NKAIN2: variants seen among roughly 807,000 people sequenced by gnomAD.
The protein encoded by NKAIN2 is sodium/potassium-transporting ATPase subunit beta-1-interacting protein 2.
NKAIN2 carries 14 observed loss-of-function variants against 32.6 expected under a neutral mutation model. The observed-to-expected ratio is 0.43, with a 90% CI of 0.28 to 0.67. The LOEUF is 0.67. NKAIN2 is among the 30% of genes least tolerant of loss of function. NKAIN2 has a pLI of 0.17. For synonymous variants in NKAIN2, 80 were observed against 87.2 expected (o/e 0.92, Z 0.46); for missense variants, 198 against 258.3 (o/e 0.77, Z 1.60).
At chr6:124,641,530 CTTTTTTTTTTTTTTTTTT>C (rs755033671) in intron 3 of NKAIN2, among the ~76,000 whole-genome samples, 55 of 19,532 alleles carry the variant, frequency 2.8e-3, no homozygotes, top group African/African-American at 5.4e-3. Context: ...AAAACACTAG[CTTTTTTTTTTTTTTTTTT>C]TTTTTTTTTT....
intron 1 of NKAIN2, among the ~76,000 whole-genome samples, chr6:124,024,525 T>G (rs1470994335): frequency 6.6e-6 from 1 of 152,144 alleles, no homozygotes; most frequent in African/African-American, 2.4e-5. Flanking sequence ...CACATAAGGA[T>G]ATACAGGAAA....
At chr6:124,151,933 A>G (rs1264653066) in intron 1 of NKAIN2, among the ~76,000 whole-genome samples, 1 of 151,946 alleles carries the variant, frequency 6.6e-6, no homozygotes, top group Non-Finnish European at 1.5e-5. Flanking sequence ...TTTTTCGTAC[A>G]CTATCTCTTG....
At chr6:124,172,930 A>G (rs1788966765) in intron 1 of NKAIN2, among the ~76,000 whole-genome samples, 1 of 152,158 alleles carries the variant, frequency 6.6e-6, no homozygotes, top group Non-Finnish European at 1.5e-5. Context: ...CCACATGAGC[A>G]AGATTTCTTC....
chr6:124,193,941 G>A (rs1233411752), intron 1 of NKAIN2, among the ~76,000 whole-genome samples: 1 of 152,132 alleles, frequency 6.6e-6, no homozygotes, highest in Non-Finnish European at 1.5e-5. Flanking sequence ...AATCTCCACA[G>A]CTGGTTGTGT....
intron 3 of NKAIN2, among the ~76,000 whole-genome samples, chr6:124,416,778 T>C (rs1455506317): frequency 1.3e-5 from 2 of 152,066 alleles, no homozygotes; most frequent in Non-Finnish European, 2.9e-5. Flanking sequence ...GGAGCAGTAA[T>C]GGGGTACTCT....
At chr6:124,209,664 T>C (rs890913647) in intron 1 of NKAIN2, among the ~76,000 whole-genome samples, 1 of 151,930 alleles carries the variant, frequency 6.6e-6, no homozygotes, top group African/African-American at 2.4e-5. Context: ...AATGGTAAGA[T>C]GATCTCACAT....
intron 3 of NKAIN2, among the ~76,000 whole-genome samples, chr6:124,596,991 A>G (rs1782119581): frequency 6.6e-6 from 1 of 152,128 alleles, no homozygotes; most frequent in Non-Finnish European, 1.5e-5. Context: ...TCATGAAGAG[A>G]AAGTGAATTC....
intron 1 of NKAIN2, among the ~76,000 whole-genome samples, chr6:124,191,983 T>A (rs563316511): frequency 6.7e-6 from 1 of 149,590 alleles, no homozygotes; most frequent in South Asian, 2.1e-4. Flanking sequence ...TAATTTTTGT[T>A]TTTACTTTTT....
At position 124,515,711 on chromosome 6, in the gene NKAIN2, CTCT is replaced by C. The variant is rs1778886355; in HGVS notation, c.274-142474_274-142472del. 3.0e-5 allele frequency among the ~76,000 whole-genome samples: 2 copies of C among 67,042 alleles called. 1 individual carries two copies. The highest frequency in any genetic ancestry group is 6.7e-5 in the Non-Finnish European group (2 of 29,712). 44.0% of individuals were successfully genotyped at this position (67,042 alleles called of 152,430 possible). A position where few individuals can be genotyped will look rare whatever the true frequency, so the allele number is the denominator to read the frequency against. Reference sequence around the variant, plus strand: ...TCCCTACTTCATTTTTCTTCGCTTTCTCTCCGTCTCGCTCTGTCGCCCAGGCTG... The same window carrying C: ...TCCCTACTTCATTTTTCTTCGCTTTCCCGTCTCGCTCTGTCGCCCAGGCTG... On this transcript the variant is annotated intron_variant, in intron 3 of 6. Transcript: ENST00000368417.
At chr6:124,564,493 C>T (rs951243268) in intron 3 of NKAIN2, among the ~76,000 whole-genome samples, 1 of 150,236 alleles carries the variant, frequency 6.7e-6, no homozygotes. Context: ...CAACCCCCCC[C>T]TCCCCCACCA....
chr6:124,522,753 A>G (rs57564175), intron 3 of NKAIN2, among the ~76,000 whole-genome samples: 9,590 of 152,272 alleles, frequency 0.063, 830 homozygotes, highest in African/African-American at 0.2. Context: ...GCTTCCACTT[A>G]AATCAAGATG....
chr6:124,372,152 C>T (rs963311882), intron 3 of NKAIN2, among the ~76,000 whole-genome samples: 2 of 151,990 alleles, frequency 1.3e-5, no homozygotes, highest in African/African-American at 4.8e-5. Flanking sequence ...TGACAAAATA[C>T]CATACATGTT....
At chr6:123,921,779 G>A (rs1775766073) in intron 1 of NKAIN2, among the ~76,000 whole-genome samples, 1 of 152,098 alleles carries the variant, frequency 6.6e-6, no homozygotes, top group South Asian at 2.1e-4. Context: ...AGCACTTTGT[G>A]ACCACCATTC....
chr6:124,010,326 T>G (rs1780268999), intron 1 of NKAIN2, among the ~76,000 whole-genome samples: 1 of 152,124 alleles, frequency 6.6e-6, no homozygotes, highest in South Asian at 2.1e-4. Flanking sequence ...GTCAAAGTTA[T>G]AGAAAGTGTG....
chr6:123,879,323 A>G (rs1240711330), intron 1 of NKAIN2, among the ~76,000 whole-genome samples: 6 of 152,208 alleles, frequency 3.9e-5, no homozygotes, highest in Non-Finnish European at 8.8e-5. Flanking sequence ...TCCAATAGGT[A>G]AATCTAAAGG....
chr6:124,228,689 G>A (rs1792252307), intron 1 of NKAIN2, among the ~76,000 whole-genome samples: 1 of 152,082 alleles, frequency 6.6e-6, no homozygotes, highest in Admixed American at 6.6e-5. Flanking sequence ...TAAGCCTCTT[G>A]CATTTAGAAA....
intron 1 of NKAIN2, among the ~76,000 whole-genome samples, chr6:124,129,639 C>G (rs186589729): frequency 6.6e-6 from 1 of 151,458 alleles, no homozygotes; most frequent in Non-Finnish European, 1.5e-5. Context: ...TTTTTTGAGA[C>G]GAAGTTTCCC....
At chr6:124,715,442 T>G (rs985235413) in intron 4 of NKAIN2, among the ~76,000 whole-genome samples, 4 of 152,176 alleles carry the variant, frequency 2.6e-5, no homozygotes, top group African/African-American at 9.7e-5. Flanking sequence ...GAACTAGACT[T>G]AGCCTTGAGC....
At chr6:124,806,422 T>C (rs1780565582) in intron 5 of NKAIN2, among the ~76,000 whole-genome samples, 1 of 152,002 alleles carries the variant, frequency 6.6e-6, no homozygotes, top group Non-Finnish European at 1.5e-5. Context: ...TAAAATACTT[T>C]ACAGACAAGC....
Sources: gnomAD v4.1 joint callset for allele counts (sites outside exome capture counted in the v4.1 genomes callset) on GRCh38, gnomAD v4.1.1 for gene constraint, MANE v1.5 for transcripts, NCBI Gene and HGNC (gene_info 2026-07-23, HGNC 2026-07-21) for gene names.